GDPD1: variants seen among roughly 807,000 people sequenced by gnomAD.
The protein encoded by GDPD1 is lysophospholipase D GDPD1.
GDPD1 carries 28 observed loss-of-function variants against 45.1 expected under a neutral mutation model. The ratio of observed to expected loss-of-function variants is 0.62; its 90% confidence interval spans 0.46 to 0.85. GDPD1 has a LOEUF of 0.85. Ranked by LOEUF, GDPD1 falls within the 40% of genes least tolerant of loss-of-function variation. The probability of loss-of-function intolerance (pLI) is 0.00; values close to 1 mark genes in which losing one functional copy is unlikely to be tolerated. For missense variants in GDPD1, 256 were observed against 364.8 expected, an observed-to-expected ratio of 0.70 and a Z score of 2.43; for synonymous variants, 139 against 131.4, an observed-to-expected ratio of 1.06 and a Z score of -0.40.
intron 2 of GDPD1, among the ~76,000 whole-genome samples, chr17:59,238,431 C>T (rs1215095453): frequency 1.1e-4 from 13 of 118,136 alleles, no homozygotes; most frequent in East Asian, 5.2e-4. Context: ...TTTTTTTTTC[C>T]GAGACGGAGT....
At chr17:59,269,472 T>G (rs1025761183) in intron 7 of GDPD1, among the ~76,000 whole-genome samples, 1 of 140,118 alleles carries the variant, frequency 7.1e-6, no homozygotes, top group African/African-American at 2.9e-5. Context: ...ACGCTTCTTG[T>G]CTACCCCCCC....
chr17:59,227,980 G>T (rs976341280), intron 1 of GDPD1, among the ~76,000 whole-genome samples: 5 of 152,000 alleles, frequency 3.3e-5, no homozygotes, highest in African/African-American at 1.2e-4. Flanking sequence ...GACCAGCCTG[G>T]CCTACACAGT....
chr17:59,255,756 AAAAAAAATATATAT>A (rs2047292781), intron 4 of GDPD1, among the ~76,000 whole-genome samples: 1 of 80,854 alleles, frequency 1.2e-5, no homozygotes, highest in Non-Finnish European at 2.2e-5. Context: ...AAAAAAAAAA[AAAAAAAATATATAT>A]ATATATATAT....
At chr17:59,258,579 C>T (rs566890009) in intron 6 of GDPD1, among the ~76,000 whole-genome samples, 1 of 152,148 alleles carries the variant, frequency 6.6e-6, no homozygotes, top group African/African-American at 2.4e-5. Context: ...ATTTCATAGC[C>T]TTCATACACA....
chr17:59,260,954 A>G (rs1340316017), intron 6 of GDPD1: 3 of 152,166 alleles, frequency 2.0e-5, no homozygotes, highest in Non-Finnish European at 4.4e-5. Context: ...TATAATTGAG[A>G]TTCCCACTAA....
At chr17:59,268,998 A>C (rs550610119) in intron 7 of GDPD1, among the ~76,000 whole-genome samples, 18 of 152,212 alleles carry the variant, frequency 1.2e-4, no homozygotes, top group African/African-American at 4.3e-4. Context: ...TCAAAAAAAA[A>C]TAAGAAAGAA....
At chr17:59,236,116 A>T (rs887761484) in intron 2 of GDPD1, among the ~76,000 whole-genome samples, 1 of 152,240 alleles carries the variant, frequency 6.6e-6, no homozygotes. Context: ...GTTTTTCTCC[A>T]TATTTTTTTG....
intron 6 of GDPD1, chr17:59,260,959 C>G (rs1380535035): frequency 6.6e-6 from 1 of 152,106 alleles, no homozygotes; most frequent in Admixed American, 6.6e-5. Flanking sequence ...TTGAGATTCC[C>G]ACTAAAGCAA....
intron 7 of GDPD1, among the ~76,000 whole-genome samples, chr17:59,269,715 C>T (rs1249994062): frequency 6.6e-6 from 1 of 151,972 alleles, no homozygotes; most frequent in East Asian, 1.9e-4. Flanking sequence ...CCCAGCTACT[C>T]AGGAGGCTGA....
intron 1 of GDPD1, among the ~76,000 whole-genome samples, chr17:59,229,755 C>G (rs1330860113): frequency 2.0e-5 from 3 of 152,148 alleles, no homozygotes; most frequent in Admixed American, 6.6e-5. Flanking sequence ...AAACAACACA[C>G]GGCTTATTCA....
intron 4 of GDPD1, among the ~76,000 whole-genome samples, chr17:59,250,974 A>G (rs184585363): frequency 3.4e-4 from 51 of 152,238 alleles, no homozygotes; most frequent in Admixed American, 2.7e-3. Flanking sequence ...CCAAAATGCT[A>G]GGATTATAAG....
rs143219802 is a variant in GDPD1, at chr17:59,258,413, C to T, written c.576+573C>T. Among the ~76,000 whole-genome samples the T allele has an allele frequency of 7.4e-3, 1,125 of 152,032 alleles. 5 individuals carry two copies. The highest frequency in any genetic ancestry group is 0.022 in the African/African-American group (898 of 41,478). ...TAAAAATTAGTTGGGCATGGTGGCA[C>T]GTGCCTGTAGTCCCAGCTACTCAGG... is the stretch of plus-strand genomic sequence containing the variant. On this transcript the variant is annotated intron_variant, in intron 6 of 9. Coordinates refer to ENST00000284116, the MANE Select transcript of GDPD1 (RefSeq NM_182569.4).
chr17:59,234,558 G>A (rs1480621252), intron 2 of GDPD1, 24 bp downstream of exon 2: 1 of 1,544,782 alleles, frequency 6.5e-7, no homozygotes, highest in Admixed American at 1.7e-5. Context: ...AAAGGTAAAA[G>A]GTACTCTTTT....
At chr17:59,269,741 T>G (rs2047430593) in intron 7 of GDPD1, among the ~76,000 whole-genome samples, 1 of 152,032 alleles carries the variant, frequency 6.6e-6, no homozygotes, top group South Asian at 2.1e-4. Flanking sequence ...GAGAATCGCT[T>G]GAACCCAGAA....
At chr17:59,255,741 C>G (rs2047291823) in intron 4 of GDPD1, among the ~76,000 whole-genome samples, 1 of 47,664 alleles carries the variant, frequency 2.1e-5, no homozygotes, top group Non-Finnish European at 3.7e-5. Flanking sequence ...GAAACTCCGT[C>G]TCAAAAAAAA....
Position 59,273,830 on chromosome 17 carries a change from T to G in GDPD1, c.*57T>G. ...AAATGAAGACCTAAGAAAAAAATAT[T>G]TCATGATCATTTCCCTAAGCCATTT... On this transcript the variant is annotated 3_prime_UTR_variant, in exon 10 of 10. Coordinates refer to ENST00000284116, the MANE Select transcript of GDPD1 (RefSeq NM_182569.4). The G allele has an allele frequency of 6.7e-7, 1 of 1,483,724 alleles. No homozygotes were observed. The highest frequency in any genetic ancestry group is 8.9e-7 in the Non-Finnish European group (1 of 1,117,694). 91.9% of individuals were successfully genotyped at this position (1,483,724 alleles called of 1,614,324 possible).
intron 1 of GDPD1, among the ~76,000 whole-genome samples, chr17:59,224,691 G>A (rs1181066428): frequency 6.6e-6 from 1 of 151,764 alleles, no homozygotes; most frequent in African/African-American, 2.4e-5. Flanking sequence ...GTGTGATGGT[G>A]CCTACCTGTA....
chr17:59,226,517 C>T (rs1484207610), intron 1 of GDPD1, among the ~76,000 whole-genome samples: 1 of 152,084 alleles, frequency 6.6e-6, no homozygotes, highest in Non-Finnish European at 1.5e-5. Flanking sequence ...GTATTTGTTT[C>T]TGCATATCTT....
intron 1 of GDPD1, 52 bp downstream of exon 1, chr17:59,220,803 C>T: frequency 6.3e-7 from 1 of 1,586,756 alleles, no homozygotes. Context: ...GCTGAGGGTC[C>T]TTTGCGGCTC....
Sources: gnomAD v4.1 joint callset for allele counts (sites outside exome capture counted in the v4.1 genomes callset) on GRCh38, gnomAD v4.1.1 for gene constraint, MANE v1.5 for transcripts, NCBI Gene and HGNC (gene_info 2026-07-23, HGNC 2026-07-21) for gene names.